Variants in PAMR1 observed in about 807,000 individuals in gnomAD.
The protein encoded by PAMR1 is peptidase domain containing associated with muscle regeneration 1.
A neutral mutation model predicts 81.8 loss-of-function variants in PAMR1; 88 were observed. The observed-to-expected ratio is 1.08, with a 90% CI of 0.91 to 1.28. The LOEUF (loss-of-function observed/expected upper bound fraction) is 1.28, where lower values mean the gene tolerates loss of function less well. Ranked by LOEUF, PAMR1 falls within the 50% of genes most tolerant of loss-of-function variation. The pLI, the probability that PAMR1 is intolerant of heterozygous loss-of-function variation, is 0.00. For missense variants in PAMR1, 935 were observed against 919.7 expected (o/e 1.02, Z -0.21); for synonymous variants, 336 against 345.3 (o/e 0.97, Z 0.30).
At chr11:35,511,782 G>A (rs967267845) in intron 1 of PAMR1, among the ~76,000 whole-genome samples, 1 of 152,186 alleles carries the variant, frequency 6.6e-6, no homozygotes, top group African/African-American at 2.4e-5. Context: ...TGGTATTGAT[G>A]TCTAAGCAGC....
intron 8 of PAMR1, 94 bp from the exon 9 acceptor site, chr11:35,436,229 T>C (rs1290705752): frequency 6.5e-6 from 5 of 773,360 alleles, no homozygotes; most frequent in South Asian, 3.3e-5. Flanking sequence ...TGTAGATATT[T>C]GTTTACAGAA....
chr11:35,432,238 G>T lies in PAMR1; in HGVS notation c.*118C>A. On this transcript the variant is annotated 3_prime_UTR_variant, in exon 11 of 11. Coordinates refer to ENST00000619888, the MANE Select transcript of PAMR1 (RefSeq NM_001001991.3). Reference sequence around the variant, plus strand: ...CTGAGTTTTGTCCCTGAAGTCAGAAGCCCTGGCACAGCCAAGTTCACAGGC... The same window carrying T: ...CTGAGTTTTGTCCCTGAAGTCAGAATCCCTGGCACAGCCAAGTTCACAGGC... 1 of 933,414 alleles carries T rather than the reference G, an allele frequency of 1.1e-6. No individual in the cohort carries two copies. Among genetic ancestry groups the T allele is most frequent in the Non-Finnish European group, 1.6e-6 (1 of 618,322 alleles). 57.8% of individuals were successfully genotyped at this position (933,414 alleles called of 1,614,324 possible).
chr11:35,479,865 G>T (rs1224740806), intron 3 of PAMR1, among the ~76,000 whole-genome samples: 1 of 152,186 alleles, frequency 6.6e-6, no homozygotes, highest in East Asian at 1.9e-4. Context: ...TGTGACAAGG[G>T]TTGCAATGGG....
At position 35,434,738 on chromosome 11, in the gene PAMR1, G is replaced by A. The variant is rs866374715; in HGVS notation, c.1400C>T (p.Ala467Val). The A allele has an allele frequency of 1.9e-6, 3 of 1,614,104 alleles. No homozygotes were observed. The highest frequency in any genetic ancestry group is 2.5e-6 in the Non-Finnish European group (3 of 1,180,012). ...CACCCCGCTGGTCCTCCTGTAGATG[G>A]CTGCCTGCCACGGCCAGCGCAACCC... ...TQGLRWPWQA[A>V]IYRRTSGVHD... The change falls in exon 10 of 11, where the codon GCC becomes GTC. Residue 467 changes from alanine to valine, a missense_variant. Transcript: ENST00000619888.
At chr11:35,529,175 G>T (rs767068657), upstream of PAMR1, among the ~76,000 whole-genome samples, 1 of 152,088 alleles carries the variant, frequency 6.6e-6, no homozygotes, top group Non-Finnish European at 1.5e-5. Flanking sequence ...GGAAGCTCCT[G>T]GTTGAGATGG....
intron 3 of PAMR1, among the ~76,000 whole-genome samples, chr11:35,479,689 A>G (rs565499890): frequency 6.6e-6 from 1 of 152,136 alleles, no homozygotes; most frequent in Non-Finnish European, 1.5e-5. Flanking sequence ...GATGATGAAG[A>G]CCCTAAGGGC....
At chr11:35,461,501 G>A (rs907431992) in intron 6 of PAMR1, among the ~76,000 whole-genome samples, 1 of 152,006 alleles carries the variant, frequency 6.6e-6, no homozygotes, top group Non-Finnish European at 1.5e-5. Flanking sequence ...TTTTGGTCAA[G>A]GCCCATGGAG....
chr11:35,487,799 C>A (rs1309737773), intron 3 of PAMR1, among the ~76,000 whole-genome samples: 1 of 152,214 alleles, frequency 6.6e-6, no homozygotes, highest in Non-Finnish European at 1.5e-5. Context: ...CTGGGCTTTA[C>A]CCCAAAGTGT....
chr11:35,495,339 G>GA lies in PAMR1; in HGVS notation c.74-1068dup, dbSNP rs57201561. On this transcript the variant is annotated intron_variant, in intron 1 of 10. Transcript: ENST00000619888. ...TGCAACTGAGTGTTCTTTCTCATAA[G>GA]AAAAAAAAAAAAAATCCCTTTCTGG... 7.9e-3 allele frequency among the ~76,000 whole-genome samples: 1,045 copies of GA among 132,868 alleles called. 2 individuals carry two copies. The highest frequency in any genetic ancestry group is 0.012 in the Middle Eastern group (3 of 248). 87.2% of individuals were successfully genotyped at this position (132,868 alleles called of 152,430 possible). A position where few individuals can be genotyped will look rare whatever the true frequency, so the allele number is the denominator to read the frequency against.
At chr11:35,481,183 T>C (rs1850383763) in intron 3 of PAMR1, among the ~76,000 whole-genome samples, 1 of 152,256 alleles carries the variant, frequency 6.6e-6, no homozygotes, top group Admixed American at 6.5e-5. Flanking sequence ...CATATGTCTC[T>C]ATAGTAGAAA....
chr11:35,481,144 T>C (rs183102702), intron 3 of PAMR1, among the ~76,000 whole-genome samples: 2 of 152,366 alleles, frequency 1.3e-5, no homozygotes, highest in East Asian at 1.9e-4. Context: ...TTTGCTATTG[T>C]AAATAGTGCT....
rs564715351 is a variant in PAMR1, at chr11:35,432,519, C to T, written c.2000G>A (p.Gly667Asp). 18 of 1,614,146 alleles carry T rather than the reference C, an allele frequency of 1.1e-5. No individual in the cohort carries two copies. Among genetic ancestry groups the T allele is most frequent in the Middle Eastern group, 1.6e-4 (1 of 6,084 alleles). Residue 667 changes from glycine (G) to aspartate (D), a missense_variant, in exon 11 of 11, where the codon GGC (glycine) becomes GAC (aspartate). Transcript: ENST00000619888. ...TCCCGGGAAGGACACAGCCGCGATG[C>T]CTCCTGTCTCTGCAGTGCAGATATC... The part of the protein sequence containing the change: ...PSDICTAETG[G>D]IAAVSFPGRA...
chr11:35,455,814 T>C (rs769137590), intron 6 of PAMR1, among the ~76,000 whole-genome samples: 7 of 151,928 alleles, frequency 4.6e-5, no homozygotes, highest in Non-Finnish European at 8.8e-5. Context: ...ATTTAAACCC[T>C]GAAATAGAAG....
At chr11:35,494,038 C>G (rs576371840) in intron 2 of PAMR1, 58 bp downstream of exon 2, 372 of 1,385,770 alleles carry the variant, frequency 2.7e-4, no homozygotes, top group Non-Finnish European at 3.5e-4. Flanking sequence ...TCAGCCTGTT[C>G]CTGTTCATTA....
chr11:35,482,308 C>T (rs895529953), intron 3 of PAMR1, among the ~76,000 whole-genome samples: 3 of 152,106 alleles, frequency 2.0e-5, no homozygotes, highest in Non-Finnish European at 4.4e-5. Flanking sequence ...TTCCTCATTG[C>T]TTGTTTTTGT....
chr11:35,489,234 G>A (rs682512), intron 3 of PAMR1, among the ~76,000 whole-genome samples: 125,726 of 152,064 alleles, frequency 0.83, 52,103 homozygotes, highest in African/African-American at 0.84. Context: ...CCAAATTCCA[G>A]CTTATCTCAT....
chr11:35,529,073 A>T (rs528704111), upstream of PAMR1: 1 of 152,304 alleles, frequency 6.6e-6, no homozygotes, highest in Admixed American at 6.5e-5. Context: ...GTTTTCCTAC[A>T]CAAGTTTACC....
chr11:35,449,620 C>G (rs1489286646), intron 6 of PAMR1, among the ~76,000 whole-genome samples: 2 of 152,230 alleles, frequency 1.3e-5, no homozygotes, highest in Non-Finnish European at 2.9e-5. Context: ...CTCCCCTCCC[C>G]CTGGGAACTT....
chr11:35,461,839 A>G (rs1345539564), intron 6 of PAMR1, among the ~76,000 whole-genome samples: 1 of 152,088 alleles, frequency 6.6e-6, no homozygotes, highest in Non-Finnish European at 1.5e-5. Context: ...CCACTAGCTA[A>G]TGGTCTTCCT....
Sources: gnomAD v4.1 joint callset for allele counts (sites outside exome capture counted in the v4.1 genomes callset) on GRCh38, gnomAD v4.1.1 for gene constraint, MANE v1.5 for transcripts, NCBI Gene and HGNC (gene_info 2026-07-23, HGNC 2026-07-21) for gene names.